Variants in CLXN observed in about 807,000 individuals in gnomAD.
The protein encoded by CLXN is EF-hand calcium binding domain 1.
the CLXN span, chr8:48,735,158 C>G: frequency 1.2e-6 from 2 of 1,614,026 alleles, no homozygotes; most frequent in African/African-American, 1.3e-5. Flanking sequence ...TCATGTCTGG[C>G]GCTCAGAGAA....
the CLXN span, among the ~76,000 whole-genome samples, chr8:48,730,849 G>A: frequency 6.6e-6 from 1 of 151,822 alleles, no homozygotes; most frequent in East Asian, 1.9e-4. Flanking sequence ...ATGTTTTTGT[G>A]GGAACAAATA....
the CLXN span, chr8:48,730,474 C>A: frequency 9.2e-7 from 1 of 1,092,214 alleles, no homozygotes; most frequent in Admixed American, 2.3e-5. Flanking sequence ...TTGAAAGACA[C>A]TGATTTAAGT....
the CLXN span, among the ~76,000 whole-genome samples, chr8:48,726,112 CT>C: frequency 9.0e-6 from 1 of 111,490 alleles, no homozygotes; most frequent in Non-Finnish European, 1.8e-5. Context: ...TACCCACCCA[CT>C]CCATCCATCC....
At chr8:48,729,298 G>A in the CLXN span, 13 of 611,530 alleles carry the variant, frequency 2.1e-5, no homozygotes, top group Non-Finnish European at 3.3e-5. Context: ...GCTAAGGCGG[G>A]GTGATTCCTT....
At chr8:48,734,814 A>C in the CLXN span, 1 of 415,698 alleles carries the variant, frequency 2.4e-6, no homozygotes. Context: ...ACATGTTTCT[A>C]TCAGGTAAAA....
At chr8:48,712,964 T>G in the CLXN span, among the ~76,000 whole-genome samples, 333 of 143,948 alleles carry the variant, frequency 2.3e-3, 1 homozygote, top group Non-Finnish European at 4.1e-3. Flanking sequence ...CGTGCCAGCT[T>G]GGGCAACAGA....
At chr8:48,716,057 G>C in the CLXN span, 1 of 152,364 alleles carries the variant, frequency 6.6e-6, no homozygotes, top group Admixed American at 6.5e-5. Flanking sequence ...GGCAGAGCGG[G>C]AGCCCACCCA....
the CLXN span, chr8:48,724,380 C>G: frequency 1.0e-4 from 17 of 162,228 alleles, no homozygotes; most frequent in Admixed American, 5.8e-4. Flanking sequence ...CAGTGTACAC[C>G]CAGCTTCTTT....
At chr8:48,730,003 T>TTACAATGCA in the CLXN span, 1 of 722,952 alleles carries the variant, frequency 1.4e-6, no homozygotes, top group Non-Finnish European at 2.2e-6. Flanking sequence ...ATTTGCATTG[T>TTACAATGCA]AAGTGTCAAC....
the CLXN span, among the ~76,000 whole-genome samples, chr8:48,734,155 T>C: frequency 6.6e-6 from 1 of 152,198 alleles, no homozygotes; most frequent in Non-Finnish European, 1.5e-5. Context: ...CACTAGATCT[T>C]ACAATCTCTA....
At chr8:48,729,643 A>C in the CLXN span, 1 of 1,329,326 alleles carries the variant, frequency 7.5e-7, no homozygotes, top group Non-Finnish European at 1.0e-6. Flanking sequence ...TGAAAATTAT[A>C]ATAATTTGAA....
At chr8:48,714,312 G>A in the CLXN span, among the ~76,000 whole-genome samples, 2 of 152,190 alleles carry the variant, frequency 1.3e-5, no homozygotes, top group African/African-American at 2.4e-5. Context: ...GTGAAATTAA[G>A]AGAATCCATC....
the CLXN span, chr8:48,731,345 T>C: frequency 1.2e-6 from 2 of 1,604,038 alleles, no homozygotes; most frequent in East Asian, 4.5e-5. Flanking sequence ...GTGTGTCTCT[T>C]ACCTCTGTCC....
the CLXN span, chr8:48,713,633 A>G: frequency 0.83 from 126,195 of 152,096 alleles, 52,468 homozygotes; most frequent in South Asian, 0.88. Flanking sequence ...CGACACAAGC[A>G]GCCCATGAAA....
the CLXN span, among the ~76,000 whole-genome samples, chr8:48,733,039 A>T: frequency 6.6e-6 from 1 of 152,172 alleles, no homozygotes; most frequent in Non-Finnish European, 1.5e-5. Flanking sequence ...CAAGCAGAAC[A>T]GTGTGAATGT....
chr8:48,731,620 A>G, the CLXN span: 5 of 761,452 alleles, frequency 6.6e-6, no homozygotes, highest in Non-Finnish European at 9.8e-6. Context: ...GTAATTGTCA[A>G]TAGAAGACTC....
the CLXN span, among the ~76,000 whole-genome samples, chr8:48,727,692 G>T: frequency 6.6e-6 from 1 of 152,144 alleles, no homozygotes; most frequent in South Asian, 2.1e-4. Context: ...CCTCTGGGGG[G>T]TTTTGAGCAT....
the CLXN span, among the ~76,000 whole-genome samples, chr8:48,727,217 TCC>T: frequency 7.1e-4 from 6 of 8,484 alleles, no homozygotes; most frequent in South Asian, 0.02. Context: ...TATCCACTCA[TCC>T]ATCCATCCAT....
At chr8:48,724,833 T>C in the CLXN span, 1 of 1,595,750 alleles carries the variant, frequency 6.3e-7, no homozygotes, top group South Asian at 1.1e-5. Context: ...TTAGTATAAA[T>C]TTCCAAAAAA....
Sources: gnomAD v4.1 joint callset for allele counts (sites outside exome capture counted in the v4.1 genomes callset) on GRCh38, gnomAD v4.1.1 for gene constraint, MANE v1.5 for transcripts, NCBI Gene and HGNC (gene_info 2026-07-23, HGNC 2026-07-21) for gene names.